FAM78B: variants seen among roughly 807,000 people sequenced by gnomAD.
The protein encoded by FAM78B is protein FAM78B.
Under a neutral mutation model 20.0 loss-of-function variants are expected in FAM78B, and 10 were observed. That is an observed-to-expected ratio of 0.50 (90% CI 0.31 to 0.85). The LOEUF (loss-of-function observed/expected upper bound fraction) is 0.85. Among genes scored for constraint, FAM78B ranks in the 40% least tolerant of loss-of-function variants. FAM78B has a pLI of 0.05. For synonymous variants in FAM78B, 135 were observed against 132.8 expected (o/e 1.02, Z -0.12); for missense variants, 283 against 345.0 (o/e 0.82, Z 1.42).
At chr1:166,116,070 C>T (rs947971587) in intron 1 of FAM78B, among the ~76,000 whole-genome samples, 3 of 152,174 alleles carry the variant, frequency 2.0e-5, no homozygotes, top group Admixed American at 1.3e-4. Flanking sequence ...TCTCCTTGCA[C>T]CCAGCAAAGC....
intron 1 of FAM78B, among the ~76,000 whole-genome samples, chr1:166,110,946 C>T (rs1184015590): frequency 6.6e-6 from 1 of 152,164 alleles, no homozygotes; most frequent in Non-Finnish European, 1.5e-5. Context: ...ATAGAAATGA[C>T]AGAAACCTGA....
At chr1:166,099,944 G>A (rs777680123) in intron 1 of FAM78B, among the ~76,000 whole-genome samples, 1 of 152,086 alleles carries the variant, frequency 6.6e-6, no homozygotes, top group Non-Finnish European at 1.5e-5. Flanking sequence ...ATATACAACA[G>A]CCGCAGAATA....
chr1:166,152,612 G>A lies in FAM78B; in HGVS notation c.263+13374C>T, dbSNP rs571106183. ...CCCTTTAACCTGTGCCCTCTCCCTG[G>A]ATTCCAAACCCCACATGCTCAGGGG... is the stretch of plus-strand genomic sequence containing the variant. On this transcript the variant is annotated intron_variant, in intron 1 of 1. Transcript: ENST00000354422. Among the ~76,000 whole-genome samples the A allele has an allele frequency of 2.4e-4, 36 of 152,130 alleles. 1 individual carries two copies. The highest frequency in any genetic ancestry group is 5.1e-4 in the Non-Finnish European group (35 of 68,022).
chr1:166,077,819 T>C (rs1336176571), intron 1 of FAM78B, among the ~76,000 whole-genome samples: 10 of 112,614 alleles, frequency 8.9e-5, no homozygotes, highest in Admixed American at 1.2e-4. Context: ...ATGTAGATTA[T>C]ATATAAATAT....
rs747893771 is a variant in FAM78B at position 166,166,012 on chromosome 1, G to A, written c.237C>T (p.Phe79=). 3.7e-6 allele frequency: 6 copies of A among 1,613,142 alleles called. No individual in the cohort carries two copies. The highest frequency in any genetic ancestry group is 1.1e-5 in the South Asian group (1 of 91,066). ...GWIQACNQME[F]FNTYSDLGMS... is the part of the protein sequence containing the mutation. ...TGCCCAGGTCGCTGTAGGTGTTGAA[G>A]AACTCCATCTGATTGCACGCCTGAA... is the stretch of plus-strand genomic sequence containing the variant. Residue 79 remains phenylalanine (F), a synonymous_variant, in exon 1 of 2, where the codon TTC becomes TTT. Transcript: ENST00000354422.
chr1:166,079,155 C>T (rs1423966328), intron 1 of FAM78B, among the ~76,000 whole-genome samples: 2 of 152,074 alleles, frequency 1.3e-5, no homozygotes, highest in African/African-American at 4.8e-5. Flanking sequence ...TTGGTCTTGA[C>T]TTCCTGGCCT....
chr1:166,120,679 A>G (rs1482960242), intron 1 of FAM78B, among the ~76,000 whole-genome samples: 1 of 152,234 alleles, frequency 6.6e-6, no homozygotes, highest in Non-Finnish European at 1.5e-5. Context: ...TATAGCAAAA[A>G]CACAAGCTTC....
At chr1:166,134,296 TG>T (rs1234357825) in intron 1 of FAM78B, among the ~76,000 whole-genome samples, 1 of 150,088 alleles carries the variant, frequency 6.7e-6, no homozygotes, top group Non-Finnish European at 1.5e-5. Flanking sequence ...TTGCTGCCAA[TG>T]GGGCCTTGGA....
intron 1 of FAM78B, among the ~76,000 whole-genome samples, chr1:166,103,869 C>T (rs1484633496): frequency 6.6e-6 from 1 of 152,184 alleles, no homozygotes; most frequent in Non-Finnish European, 1.5e-5. Flanking sequence ...CAGCATCATC[C>T]TGATACCAAA....
rs560498758 is a variant in FAM78B, at chr1:166,102,032, A to G, written c.264-31269T>C. ...ACTCTCGGCAGAAACTCTACAAGCC[A>G]GAAGAGAGTGGGGGCCAATATTCAA... On this transcript the variant is annotated intron_variant, in intron 1 of 1. Transcript: ENST00000354422. Among the ~76,000 whole-genome samples, 11 of 152,366 alleles carry G rather than the reference A, an allele frequency of 7.2e-5. No individual in the cohort carries two copies. In the East Asian group the frequency reaches 2.1e-3, roughly 29 times the overall value.
intron 1 of FAM78B, among the ~76,000 whole-genome samples, chr1:166,105,370 T>C (rs1486621681): frequency 6.6e-6 from 1 of 151,762 alleles, no homozygotes; most frequent in African/African-American, 2.4e-5. Context: ...CTAATTAAAC[T>C]AAAGAGCTTC....
At chr1:166,139,289 T>C (rs924071905) in intron 1 of FAM78B, among the ~76,000 whole-genome samples, 1 of 152,150 alleles carries the variant, frequency 6.6e-6, no homozygotes, top group African/African-American at 2.4e-5. Context: ...ATGCTGTCCC[T>C]ATCAGTAGAA....
At chr1:166,119,169 T>A (rs945791590) in intron 1 of FAM78B, among the ~76,000 whole-genome samples, 1 of 152,158 alleles carries the variant, frequency 6.6e-6, no homozygotes, top group African/African-American at 2.4e-5. Context: ...AGCATTAGCA[T>A]TCACCTTCTG....
intron 1 of FAM78B, among the ~76,000 whole-genome samples, chr1:166,155,758 A>T (rs927716162): frequency 1.3e-5 from 2 of 152,168 alleles, no homozygotes; most frequent in African/African-American, 2.4e-5. Context: ...GGGGACTGCC[A>T]TTTTGGAATG....
chr1:166,103,429 A>G (rs1239759540), intron 1 of FAM78B, among the ~76,000 whole-genome samples: 2 of 152,208 alleles, frequency 1.3e-5, no homozygotes, highest in Non-Finnish European at 2.9e-5. Flanking sequence ...GTTTTTTGAA[A>G]AGATCAACAA....
At chr1:166,099,453 G>A (rs1436637199) in intron 1 of FAM78B, among the ~76,000 whole-genome samples, 1 of 152,172 alleles carries the variant, frequency 6.6e-6, no homozygotes, top group Non-Finnish European at 1.5e-5. Flanking sequence ...TGGTCTAAAT[G>A]CTGCACTTAA....
At chr1:166,124,469 G>C (rs979217428) in intron 1 of FAM78B, among the ~76,000 whole-genome samples, 5 of 152,220 alleles carry the variant, frequency 3.3e-5, no homozygotes, top group African/African-American at 9.7e-5. Context: ...ACAACCCTAT[G>C]AGGTGGGTAC....
At chr1:166,123,895 C>T (rs1271045305) in intron 1 of FAM78B, among the ~76,000 whole-genome samples, 1 of 152,190 alleles carries the variant, frequency 6.6e-6, no homozygotes, top group Non-Finnish European at 1.5e-5. Context: ...ATGCCCATCG[C>T]TTGATAATTA....
chr1:166,154,290 T>C (rs1028728724), intron 1 of FAM78B, among the ~76,000 whole-genome samples: 2 of 152,156 alleles, frequency 1.3e-5, no homozygotes, highest in East Asian at 1.9e-4. Context: ...AAGGGGGGTA[T>C]TGAGGGGTGG....
Sources: allele counts gnomAD v4.1 joint callset (sites outside exome capture counted in the v4.1 genomes callset), GRCh38; gene constraint gnomAD v4.1.1; transcripts MANE v1.5; gene names NCBI Gene and HGNC (gene_info 2026-07-23, HGNC 2026-07-21).